KAT6B: variants seen among roughly 807,000 people sequenced by gnomAD.
The protein encoded by KAT6B is lysine acetyltransferase 6B, also known as histone acetyltransferase KAT6B.
KAT6B carries 10 observed loss-of-function variants against 187.5 expected under a neutral mutation model. That is an observed-to-expected ratio of 0.05 (90% confidence interval 0.03 to 0.09). The LOEUF (loss-of-function observed/expected upper bound fraction) is 0.09, where lower values mean the gene tolerates loss of function less well. Among genes scored for constraint, KAT6B ranks in the 10% least tolerant of loss-of-function variants. The pLI, the probability that KAT6B is intolerant of heterozygous loss-of-function variation, is 1.00. For synonymous variants in KAT6B, 861 were observed against 926.8 expected, an observed-to-expected ratio of 0.93 and a Z score of 1.29; for missense variants, 1,952 against 2,558.9, an observed-to-expected ratio of 0.76 and a Z score of 5.12.
chr10:74,911,574 C>G (rs377590959), intron 3 of KAT6B, among the ~76,000 whole-genome samples: 1 of 152,030 alleles, frequency 6.6e-6, no homozygotes, highest in Non-Finnish European at 1.5e-5. Context: ...AGCCTTTAGT[C>G]TACTTTCTGT....
chr10:74,995,604 T>C (rs1389302754), intron 13 of KAT6B, among the ~76,000 whole-genome samples: 1 of 152,224 alleles, frequency 6.6e-6, no homozygotes, highest in African/African-American at 2.4e-5. Context: ...TAGCATACTA[T>C]AGGTAGTCTT....
intron 3 of KAT6B, among the ~76,000 whole-genome samples, chr10:74,926,978 C>T (rs927402899): frequency 2.0e-5 from 3 of 152,066 alleles, no homozygotes; most frequent in African/African-American, 7.2e-5. Context: ...AAGAGTTAAG[C>T]GTATTCAATA....
At chr10:74,979,886 C>T (rs887315154) in intron 10 of KAT6B, among the ~76,000 whole-genome samples, 11 of 152,190 alleles carry the variant, frequency 7.2e-5, no homozygotes, top group African/African-American at 1.7e-4. Context: ...AGGCCAGGCC[C>T]GGTGACTCAC....
At chr10:74,852,869 G>GTATTCCCAGCTACATTTGTGATACTTTCT (rs1842565325) in intron 3 of KAT6B, among the ~76,000 whole-genome samples, 1 of 152,068 alleles carries the variant, frequency 6.6e-6, no homozygotes, top group African/African-American at 2.4e-5. Context: ...AGTTACTCTT[G>GTATTCCCAGCTACATTTGTGATACTTTCT]TATTCCCAGC....
intron 6 of KAT6B, among the ~76,000 whole-genome samples, chr10:74,970,778 T>C (rs1841798123): frequency 6.6e-6 from 1 of 152,168 alleles, no homozygotes; most frequent in South Asian, 2.1e-4. Context: ...GAATTGGAAA[T>C]TTCCTTCTCT....
chr10:74,895,479 A>G (rs1037586314), intron 3 of KAT6B, among the ~76,000 whole-genome samples: 6 of 152,116 alleles, frequency 3.9e-5, no homozygotes, highest in African/African-American at 1.4e-4. Context: ...AGGCCCTATG[A>G]GTAAGGCATA....
chr10:74,976,032 T>G lies in KAT6B; in HGVS notation c.1695T>G (p.Tyr565Ter), dbSNP rs1267373046. ...GQSRKKGHPSYAPPKRMRRKT... is the reference protein window; with the variant it reads ...GQSRKKGHPS The stretch of plus-strand genomic sequence containing the variant: ...CTCGCAAAAAGGGACACCCGAGTTA[T>G]GCACCACCCAAACGTATGCGTCGTA... Residue 565 changes from tyrosine (Y) to a stop codon, truncating the protein, a stop_gained, in exon 8 of 18, where the codon TAT becomes TAG. Coordinates refer to ENST00000287239, the MANE Select transcript of KAT6B (RefSeq NM_012330.4). LOFTEE classifies it high-confidence loss of function. 1 of 1,614,214 alleles carries G rather than the reference T, an allele frequency of 6.2e-7. No individual in the cohort carries two copies.
intron 9 of KAT6B, 90 bp downstream of exon 9, chr10:74,977,527 TC>T: frequency 6.8e-7 from 1 of 1,469,626 alleles, no homozygotes; most frequent in Admixed American, 1.7e-5. Flanking sequence ...TTATAGAGAA[TC>T]CCTTTCAACA....
intron 13 of KAT6B, among the ~76,000 whole-genome samples, chr10:75,013,603 T>A (rs898256707): frequency 3.3e-5 from 5 of 152,346 alleles, no homozygotes; most frequent in South Asian, 2.1e-4. Context: ...CTTAAGGATG[T>A]TTAGTTACCC....
chr10:75,028,584 C>G lies in KAT6B; in HGVS notation c.3760C>G (p.Arg1254Gly). ...ACAAGTGTGGCCAAAAGGAACAAAG[C>G]GCGGTCTATCTAAGTGGAGGCAAAA... ...CKQVWPKGTK[R>G]GLSKWRQNKE... The change falls in exon 18 of 18, where the codon CGC becomes GGC. Residue 1254 changes from arginine to glycine, a missense_variant. Around this residue, in one of 9 missense-constraint regions of KAT6B, gnomAD observed 758 missense variants for 891.4 expected, o/e 0.85. Coordinates refer to ENST00000287239, the MANE Select transcript of KAT6B (RefSeq NM_012330.4). The G allele has an allele frequency of 1.9e-6, 3 of 1,614,114 alleles. No individual in the cohort carries two copies. The highest frequency in any genetic ancestry group is 2.2e-5 in the East Asian group (1 of 44,888).
In KAT6B at chr10:75,021,305, T is replaced by C; in HGVS notation, c.3021+20T>C. On this transcript the variant is annotated intron_variant, in intron 15 of 17. Coordinates refer to ENST00000287239, the MANE Select transcript of KAT6B (RefSeq NM_012330.4). Reference sequence around the variant, plus strand: ...AAAGAGGTAATGATTGTCTTTATCATCCTAAGTTGTGTAACTTCAATCTTG... The same window carrying C: ...AAAGAGGTAATGATTGTCTTTATCACCCTAAGTTGTGTAACTTCAATCTTG... 6.2e-7 allele frequency: 1 copy of C among 1,612,652 alleles called. No individual in the cohort carries two copies. The highest frequency in any genetic ancestry group is 2.2e-5 in the East Asian group (1 of 44,872).
In KAT6B at chr10:75,020,774, C is replaced by T; in HGVS notation, c.2822C>T (p.Thr941Ile). Reference protein sequence around the residue: ...TGMCPHDIATTLQHLHMIDKR... With the variant: ...TGMCPHDIATILQHLHMIDKR... ...ATGTGCCCACATGACATTGCCACCA[C>T]TCTGCAGCACCTCCACATGATCGAC... The change falls in exon 14 of 18, where the codon ACT (threonine) becomes ATT (isoleucine). Residue 941 changes from threonine to isoleucine, a missense_variant. Thr to Ile is a moderately conservative substitution (Grantham distance 89, BLOSUM62 -1). Transcript: ENST00000287239. The T allele has an allele frequency of 6.2e-7, 1 of 1,614,188 alleles. No individual in the cohort carries two copies. Among genetic ancestry groups the T allele is most frequent in the Non-Finnish European group, 8.5e-7 (1 of 1,180,046 alleles).
intron 3 of KAT6B, among the ~76,000 whole-genome samples, chr10:74,867,844 G>T (rs1211084549): frequency 6.6e-6 from 1 of 152,182 alleles, no homozygotes; most frequent in Non-Finnish European, 1.5e-5. Flanking sequence ...TCTAATCCAG[G>T]TATTCAACAA....
chr10:74,900,182 T>C (rs1254699319), intron 3 of KAT6B, among the ~76,000 whole-genome samples: 1 of 152,224 alleles, frequency 6.6e-6, no homozygotes, highest in East Asian at 1.9e-4. Context: ...ACAAGTAACA[T>C]TGATACTAAC....
At chr10:75,020,405 G>A (rs1226224528) in intron 13 of KAT6B, among the ~76,000 whole-genome samples, 177 bp from the exon 14 acceptor site, 3 of 152,190 alleles carry the variant, frequency 2.0e-5, no homozygotes, top group Non-Finnish European at 2.9e-5. Flanking sequence ...ATTCAGGAGC[G>A]TAAACTTCAC....
chr10:74,833,823 TC>T (rs1196862449), intron 1 of KAT6B, among the ~76,000 whole-genome samples: 1 of 152,234 alleles, frequency 6.6e-6, no homozygotes, highest in Non-Finnish European at 1.5e-5. Context: ...AATTGAAAAC[TC>T]TCTTTGTTAA....
chr10:74,830,770 T>TATATATGTATATATATA (rs60886313), intron 1 of KAT6B, among the ~76,000 whole-genome samples: 12 of 9,634 alleles, frequency 1.2e-3, no homozygotes, highest in Non-Finnish European at 2.3e-3. Context: ...ATATATATAT[T>TATATATGTATATATATA]TTTTTTTTTT....
intron 3 of KAT6B, among the ~76,000 whole-genome samples, chr10:74,869,028 T>C (rs1409330264): frequency 1.3e-5 from 2 of 152,212 alleles, no homozygotes; most frequent in African/African-American, 2.4e-5. Flanking sequence ...CTGAAAATGC[T>C]CAAGTTCTCT....
Position 75,028,674 on chromosome 10 carries a change from G to T in KAT6B, c.3850G>T (p.Asp1284Tyr). The change falls in exon 18 of 18, where the codon GAC becomes TAC. Residue 1284 changes from aspartate to tyrosine, a missense_variant. By Grantham distance (160) the Asp-to-Tyr change is radical (BLOSUM62 -3). Transcript: ENST00000287239. ...CCCGCCAGAAACACCCATGGAGCCT[G>T]ACGAGCAGGTAACAGTGGAAGAACA... ...YTPPETPMEP[D>Y]EQVTVEEQKE... 1 of 1,614,090 alleles carries T rather than the reference G, an allele frequency of 6.2e-7. No homozygotes were observed. The highest frequency in any genetic ancestry group is 8.5e-7 in the Non-Finnish European group (1 of 1,180,040).
Sources: allele counts gnomAD v4.1 joint callset (sites outside exome capture counted in the v4.1 genomes callset), GRCh38; gene constraint gnomAD v4.1.1; regional missense constraint gnomAD v4.1.1; transcripts MANE v1.5; gene names NCBI Gene and HGNC (gene_info 2026-07-23, HGNC 2026-07-21).